Variants in TEX9 observed in about 807,000 individuals in gnomAD.
TEX9 encodes testis expressed 9, also known as testis-expressed protein 9.
TEX9 carries 74 observed loss-of-function variants against 59.6 expected under a neutral mutation model. The observed-to-expected ratio is 1.24, with a 90% CI of 1.03 to 1.51. TEX9 has a LOEUF of 1.51. TEX9 is among the 40% of genes most tolerant of loss of function. The pLI is 0.00. For missense variants in TEX9, 522 were observed against 447.8 expected (o/e 1.17, Z -1.49); for synonymous variants, 186 against 152.2 (o/e 1.22, Z -1.64).
chr15:56,268,935 G>A (rs2044456453), intron 1 of TEX9, among the ~76,000 whole-genome samples: 1 of 152,048 alleles, frequency 6.6e-6, no homozygotes, highest in Non-Finnish European at 1.5e-5. Context: ...GTAGAATTTG[G>A]CTGTGAATCC....
chr15:56,437,541 T>A (rs113358310), intron 12 of TEX9, among the ~76,000 whole-genome samples: 30 of 152,274 alleles, frequency 2.0e-4, no homozygotes, highest in Non-Finnish European at 4.1e-4. Flanking sequence ...AAGCATTCCC[T>A]TTGAAAACTG....
intron 12 of TEX9, chr15:56,443,814 T>C: frequency 1.9e-6 from 3 of 1,608,048 alleles, no homozygotes; most frequent in Non-Finnish European, 2.5e-6. Context: ...TCTATATACC[T>C]TCGCATTGCA....
At chr15:56,300,960 A>G (rs897832262) in intron 1 of TEX9, among the ~76,000 whole-genome samples, 5 of 152,194 alleles carry the variant, frequency 3.3e-5, no homozygotes. Context: ...GAAGAATATC[A>G]ACGAGCATCA....
chr15:56,400,923 C>T (rs1028942783), intron 9 of TEX9, among the ~76,000 whole-genome samples: 1 of 152,058 alleles, frequency 6.6e-6, no homozygotes, highest in Non-Finnish European at 1.5e-5. Flanking sequence ...TACAGACAAG[C>T]AAATGCTGAG....
chr15:56,316,151 C>T (rs1377220441), intron 1 of TEX9, among the ~76,000 whole-genome samples: 3 of 145,478 alleles, frequency 2.1e-5, no homozygotes, highest in African/African-American at 4.9e-5. Context: ...TCTCTCAGCT[C>T]GTCAAAGTCA....
chr15:56,315,450 C>A lies in TEX9; in HGVS notation c.-106-57991C>A, dbSNP rs1291169953. ...GATATGAAATTCTGGGTTGAAAATT[C>A]TTGTCTTTAAGAATGTTGAATATTG... On this transcript the variant is annotated intron_variant, in intron 1 of 5. Coordinates refer to the TEX9 transcript ENST00000560827. Among the ~76,000 whole-genome samples the A allele has an allele frequency of 3.3e-4, 49 of 149,708 alleles. 1 individual carries two copies. Among genetic ancestry groups the A allele is most frequent in the Non-Finnish European group, 6.7e-4 (45 of 67,114 alleles).
At chr15:56,404,022 A>T (rs1050854558) in intron 9 of TEX9, among the ~76,000 whole-genome samples, 2 of 152,260 alleles carry the variant, frequency 1.3e-5, no homozygotes, top group Non-Finnish European at 2.9e-5. Context: ...CTAAAACCAT[A>T]AAATCCCTGG....
chr15:56,427,875 A>C, intron 11 of TEX9, 136 bp downstream of exon 11: 1 of 616,650 alleles, frequency 1.6e-6, no homozygotes, highest in Non-Finnish European at 2.7e-6. Context: ...TACATATGAA[A>C]TCATATGAAA....
At chr15:56,359,081 C>T (rs1202401086) in intron 1 of TEX9, among the ~76,000 whole-genome samples, 1 of 152,084 alleles carries the variant, frequency 6.6e-6, no homozygotes, top group Non-Finnish European at 1.5e-5. Context: ...GCTGTTATAT[C>T]TCTTTAAGCT....
At chr15:56,358,710 C>G (rs1186650486) in intron 1 of TEX9, among the ~76,000 whole-genome samples, 1 of 152,004 alleles carries the variant, frequency 6.6e-6, no homozygotes, top group Non-Finnish European at 1.5e-5. Context: ...GTGTTCCCAC[C>G]CAAACCTCAT....
chr15:56,428,683 A>G (rs1181019155), intron 12 of TEX9: 2 of 400,428 alleles, frequency 5.0e-6, no homozygotes, highest in Non-Finnish European at 8.9e-6. Flanking sequence ...GACTCTTTTC[A>G]TTTATAATTC....
At chr15:56,398,881 C>T (rs1447148272) in intron 9 of TEX9, among the ~76,000 whole-genome samples, 1 of 152,068 alleles carries the variant, frequency 6.6e-6, no homozygotes, top group African/African-American at 2.4e-5. Flanking sequence ...TGCCTGTAAT[C>T]CCAGCACTTT....
chr15:56,372,075 AT>A (rs1237407723), intron 2 of TEX9, among the ~76,000 whole-genome samples: 1 of 152,132 alleles, frequency 6.6e-6, no homozygotes. Context: ...ATTACATTTT[AT>A]CTGGCATTTC....
intron 1 of TEX9, among the ~76,000 whole-genome samples, chr15:56,260,420 A>G (rs2044238498): frequency 1.3e-5 from 2 of 152,110 alleles, no homozygotes; most frequent in African/African-American, 2.4e-5. Context: ...ATTTGCTGAG[A>G]AGTTTTATTA....
At chr15:56,394,184 A>G (rs2048346654) in exon 8 of TEX9, 2 of 1,608,148 alleles carry the variant, frequency 1.2e-6, no homozygotes, top group African/African-American at 2.7e-5. Flanking sequence ...TCAGATTTCT[A>G]AAGGCCAAAC....
chr15:56,393,508 C>T (rs1403583133), intron 7 of TEX9: 1 of 152,188 alleles, frequency 6.6e-6, no homozygotes, highest in African/African-American at 2.4e-5. Context: ...TTATAATATT[C>T]CTACTATGCC....
chr15:56,328,456 G>T (rs1380024042), intron 1 of TEX9, among the ~76,000 whole-genome samples: 2 of 152,202 alleles, frequency 1.3e-5, no homozygotes, highest in Non-Finnish European at 2.9e-5. Context: ...AGCCACAGTG[G>T]GGAAGAGCAC....
At chr15:56,303,883 A>G (rs947960606) in intron 1 of TEX9, among the ~76,000 whole-genome samples, 1 of 152,252 alleles carries the variant, frequency 6.6e-6, no homozygotes, top group East Asian at 1.9e-4. Flanking sequence ...ATGCCAATAA[A>G]TTGGAAAACC....
chr15:56,267,544 A>T (rs2044416468), intron 1 of TEX9, among the ~76,000 whole-genome samples: 1 of 152,162 alleles, frequency 6.6e-6, no homozygotes. Context: ...CTTTCTGCAT[A>T]TGGCTAGCCA....
Sources: gnomAD v4.1 joint callset for allele counts (sites outside exome capture counted in the v4.1 genomes callset) on GRCh38, gnomAD v4.1.1 for gene constraint, MANE v1.5 for transcripts, NCBI Gene and HGNC (gene_info 2026-07-23, HGNC 2026-07-21) for gene names.